The following ABCB5 variants were observed in gnomAD, a reference collection of about 807,000 sequenced individuals.
ABCB5 encodes ATP binding cassette subfamily B member 5, also known as ATP-binding cassette sub-family B member 5.
ABCB5 carries 155 observed loss-of-function variants against 144.2 expected under a neutral mutation model. That is an observed-to-expected ratio of 1.08 (90% CI 0.94 to 1.23). The LOEUF (loss-of-function observed/expected upper bound fraction) is 1.23, where lower values mean the gene tolerates loss of function less well. Among genes scored for constraint, ABCB5 ranks in the 50% most tolerant of loss-of-function variants. The pLI is 0.00. For synonymous variants in ABCB5, 610 were observed against 528.6 expected, an observed-to-expected ratio of 1.15 and a Z score of -2.11; for missense variants, 1,830 against 1,520.8, an observed-to-expected ratio of 1.20 and a Z score of -3.38.
chr7:20,691,208 G>A (rs1020069987), intron 16 of ABCB5, among the ~76,000 whole-genome samples: 1 of 85,746 alleles, frequency 1.2e-5, no homozygotes, highest in Non-Finnish European at 2.1e-5. Flanking sequence ...TTTTGAGACG[G>A]AGTTTCACTC....
rs769636436 is a variant in ABCB5 at position 20,658,504 on chromosome 7, A to T, written c.1537-2A>T. The T allele has an allele frequency of 1.2e-6, 2 of 1,610,278 alleles. No individual in the cohort carries two copies. Among genetic ancestry groups the T allele is most frequent in the East Asian group, 4.5e-5 (2 of 44,862 alleles). On this transcript the variant is annotated splice_acceptor_variant, in intron 13 of 27. Transcript: ENST00000404938. LOFTEE classifies it high-confidence loss of function. ...CTGTGCTTCTTTCCTATTTTTCATT[A>T]GAAATTTAATACATTGGTAGGGGAA...
At chr7:20,616,809 C>T (rs1783696618) in intron 1 of ABCB5, among the ~76,000 whole-genome samples, 1 of 152,238 alleles carries the variant, frequency 6.6e-6, no homozygotes, top group African/African-American at 2.4e-5. Flanking sequence ...GGGCAGCCAT[C>T]ATAGTCAACC....
intron 19 of ABCB5, among the ~76,000 whole-genome samples, chr7:20,704,412 T>C (rs1250026644): frequency 6.6e-6 from 1 of 152,298 alleles, no homozygotes; most frequent in Non-Finnish European, 1.5e-5. Flanking sequence ...TTTTCACAAA[T>C]GACTTATGGA....
intron 23 of ABCB5, among the ~76,000 whole-genome samples, chr7:20,731,513 C>T (rs563590140): frequency 6.6e-6 from 1 of 152,092 alleles, no homozygotes; most frequent in East Asian, 1.9e-4. Context: ...GTTTTAAATA[C>T]CACCTGTGTC....
chr7:20,680,569 CAAAA>C (rs112635560), intron 14 of ABCB5, among the ~76,000 whole-genome samples: 1 of 78,252 alleles, frequency 1.3e-5, no homozygotes. Flanking sequence ...GACTCCGTCT[CAAAA>C]AAAAAAAAAA....
rs1185270870 is a variant in ABCB5 at position 20,680,959 on chromosome 7, CCCT to C, written c.1708-542_1708-540del. Reference sequence around the variant, plus strand: ...ACAAAGATTTCTTCTTTCCCTCCCTCCCTCCTTTCTTTTTCTTTCTTTCTTTCT... The same window carrying C: ...ACAAAGATTTCTTCTTTCCCTCCCTCCCTTTCTTTTTCTTTCTTTCTTTCT... On this transcript the variant is annotated intron_variant, in intron 14 of 27. Coordinates refer to ENST00000404938, the MANE Select transcript of ABCB5 (RefSeq NM_001163941.2). Among the ~76,000 whole-genome samples the C allele has an allele frequency of 4.6e-5, 7 of 151,120 alleles. No individual in the cohort carries two copies. In the South Asian group the frequency reaches 1.3e-3, roughly 27 times the overall value.
At chr7:20,675,708 A>G (rs1785578009) in intron 14 of ABCB5, among the ~76,000 whole-genome samples, 1 of 152,152 alleles carries the variant, frequency 6.6e-6, no homozygotes, top group South Asian at 2.1e-4. Flanking sequence ...AATAATCAAC[A>G]GAATGAAAAG....
intron 20 of ABCB5, among the ~76,000 whole-genome samples, chr7:20,707,484 G>A (rs62453366): frequency 1.3e-5 from 2 of 151,974 alleles, no homozygotes; most frequent in Non-Finnish European, 2.9e-5. Flanking sequence ...AAAGCTAAAA[G>A]CCATTTTAGA....
intron 13 of ABCB5, among the ~76,000 whole-genome samples, chr7:20,656,149 C>T (rs538114267): frequency 1.3e-5 from 2 of 152,216 alleles, no homozygotes; most frequent in Admixed American, 6.5e-5. Context: ...TGCCATAGAC[C>T]TTGTACCAAA....
chr7:20,651,739 G>T, intron 13 of ABCB5, 116 bp downstream of exon 13: 1 of 1,118,112 alleles, frequency 8.9e-7, no homozygotes, highest in Non-Finnish European at 1.3e-6. Context: ...TTAAATTCTG[G>T]ATTGTCCTAG....
At chr7:20,724,030 T>C (rs530696143) in intron 21 of ABCB5, among the ~76,000 whole-genome samples, 23 of 152,278 alleles carry the variant, frequency 1.5e-4, no homozygotes, top group Non-Finnish European at 3.2e-4. Flanking sequence ...GACCCAACCA[T>C]TAACCTGAAG....
intron 16 of ABCB5, among the ~76,000 whole-genome samples, chr7:20,694,013 C>A (rs1456803280): frequency 6.7e-6 from 1 of 149,354 alleles, no homozygotes; most frequent in Non-Finnish European, 1.5e-5. Context: ...TGGTTAAATT[C>A]TTTTTTCCCT....
chr7:20,691,360 C>A (rs928685427), intron 16 of ABCB5, among the ~76,000 whole-genome samples: 2 of 151,262 alleles, frequency 1.3e-5, no homozygotes, highest in African/African-American at 4.8e-5. Context: ...GAGCAAAGAA[C>A]CGGAGAGGAG....
At position 20,711,836 on chromosome 7, in the gene ABCB5, CTTTCTTTCT is replaced by C. The variant is rs1375851482; in HGVS notation, c.2421+7041_2421+7049del. On this transcript the variant is annotated intron_variant, in intron 20 of 27. Transcript: ENST00000404938. ...TCTTTCTTTCTTTCTTTCTTTCTTT[CTTTCTTTCT>C]TTTCTTTCTTTCTTTCCTTCCTCCC... Among the ~76,000 whole-genome samples, 288 of 57,352 alleles carry C rather than the reference CTTTCTTTCT, an allele frequency of 5.0e-3. 35 individuals are homozygous for C. The highest frequency in any genetic ancestry group is 0.033 in the African/African-American group (224 of 6,740). 37.6% of individuals were successfully genotyped at this position (57,352 alleles called of 152,430 possible). A position where few individuals can be genotyped will look rare whatever the true frequency, so the allele number is the denominator to read the frequency against.
chr7:20,626,555 A>G lies in ABCB5; in HGVS notation c.54-2A>G, dbSNP rs1012222883. 17 of 1,605,086 alleles carry G rather than the reference A, an allele frequency of 1.1e-5. No homozygotes were observed. Among genetic ancestry groups the G allele is most frequent in the Non-Finnish European group, 1.4e-5 (17 of 1,175,728 alleles). On this transcript the variant is annotated splice_acceptor_variant, in intron 2 of 27. Coordinates refer to ENST00000404938, the MANE Select transcript of ABCB5 (RefSeq NM_001163941.2). LOFTEE classifies it high-confidence loss of function. ...GCTGCATTTTGAACTTTTATTTTCCAGAACTGCAGAAGAACAGCCAAAACT... is the reference window on the plus strand; with the variant it reads ...GCTGCATTTTGAACTTTTATTTTCCGGAACTGCAGAAGAACAGCCAAAACT...
intron 13 of ABCB5, among the ~76,000 whole-genome samples, chr7:20,652,921 T>C (rs1380906799): frequency 6.6e-6 from 1 of 151,308 alleles, no homozygotes; most frequent in Non-Finnish European, 1.5e-5. Flanking sequence ...GTAATAATTT[T>C]ATTCTTGGTT....
chr7:20,722,878 A>C, intron 20 of ABCB5, 138 bp from the exon 21 acceptor site: 3 of 622,512 alleles, frequency 4.8e-6, no homozygotes, highest in Non-Finnish European at 8.1e-6. Context: ...TTAATCTCAA[A>C]GTATAAATTC....
chr7:20,686,471 G>A (rs965936886), intron 16 of ABCB5, among the ~76,000 whole-genome samples: 4 of 151,720 alleles, frequency 2.6e-5, no homozygotes, highest in African/African-American at 4.8e-5. Flanking sequence ...CTCTTAACAC[G>A]CCCGACACCT....
intron 25 of ABCB5, among the ~76,000 whole-genome samples, chr7:20,744,150 C>T (rs1411078293): frequency 1.3e-5 from 2 of 152,200 alleles, no homozygotes; most frequent in East Asian, 1.9e-4. Flanking sequence ...CTGCAACCCC[C>T]GCCTCTAGGG....
Sources: gnomAD v4.1 joint callset for allele counts (sites outside exome capture counted in the v4.1 genomes callset) on GRCh38, gnomAD v4.1.1 for gene constraint, MANE v1.5 for transcripts, NCBI Gene and HGNC (gene_info 2026-07-23, HGNC 2026-07-21) for gene names.